The following SGCG variants were observed in gnomAD, a reference collection of about 807,000 sequenced individuals.
The protein encoded by SGCG is gamma-sarcoglycan.
SGCG carries 26 observed loss-of-function variants against 29.3 expected under a neutral mutation model. The observed-to-expected ratio is 0.89, with a 90% CI of 0.65 to 1.23. The LOEUF (loss-of-function observed/expected upper bound fraction) is 1.23. Among genes scored for constraint, SGCG ranks in the 50% most tolerant of loss-of-function variants. SGCG has a pLI of 0.00. For missense variants in SGCG, 353 were observed against 356.0 expected, an observed-to-expected ratio of 0.99 and a Z score of 0.07; for synonymous variants, 145 against 129.7, an observed-to-expected ratio of 1.12 and a Z score of -0.80.
chr13:23,247,527 G>T (rs1593195320), intron 3 of SGCG, among the ~76,000 whole-genome samples: 2 of 152,260 alleles, frequency 1.3e-5, no homozygotes, highest in Non-Finnish European at 2.9e-5. Context: ...GTCCTCTGCA[G>T]CCTGCTTTTG....
intron 2 of SGCG, among the ~76,000 whole-genome samples, chr13:23,220,142 A>G (rs1878601991): frequency 1.3e-5 from 2 of 151,916 alleles, no homozygotes; most frequent in African/African-American, 4.8e-5. Context: ...CGCCAGGCCA[A>G]TATTTACCAA....
chr13:23,237,487 G>A (rs1879354746), intron 3 of SGCG, among the ~76,000 whole-genome samples: 1 of 152,230 alleles, frequency 6.6e-6, no homozygotes, highest in Non-Finnish European at 1.5e-5. Flanking sequence ...AGACAGTGCT[G>A]AAGACAGAAA....
intron 4 of SGCG, among the ~76,000 whole-genome samples, chr13:23,269,567 T>C (rs1880777977): frequency 1.3e-5 from 2 of 152,216 alleles, no homozygotes; most frequent in Admixed American, 6.5e-5. Context: ...TGACCACATA[T>C]ATGTTTTCTT....
chr13:23,288,338 G>A (rs1461973439), intron 5 of SGCG, among the ~76,000 whole-genome samples: 1 of 152,170 alleles, frequency 6.6e-6, no homozygotes, highest in Non-Finnish European at 1.5e-5. Context: ...TCTGGTGAAA[G>A]GGGAAGATAA....
At chr13:23,171,335 A>G in the SGCG span, among the ~76,000 whole-genome samples, 1 of 152,230 alleles carries the variant, frequency 6.6e-6, no homozygotes, top group Admixed American at 6.5e-5. Context: ...TAATAGGAGA[A>G]CATTGACCAT....
chr13:23,164,042 C>T, the SGCG span, among the ~76,000 whole-genome samples: 1 of 152,196 alleles, frequency 6.6e-6, no homozygotes, highest in Non-Finnish European at 1.5e-5. Flanking sequence ...TTTCTCTTCT[C>T]TCCTGGTAGG....
chr13:23,209,046 T>G (rs1015378261), intron 2 of SGCG, among the ~76,000 whole-genome samples: 1 of 152,132 alleles, frequency 6.6e-6, no homozygotes, highest in Non-Finnish European at 1.5e-5. Context: ...GAAGGTAAGA[T>G]GAATGATTCT....
chr13:23,320,023 A>AT (rs1436011444), intron 6 of SGCG, among the ~76,000 whole-genome samples: 1 of 152,184 alleles, frequency 6.6e-6, no homozygotes, highest in African/African-American at 2.4e-5. Context: ...AAATCTTTCC[A>AT]TTTGCCCTGT....
rs2137498681 is a variant in SGCG at position 23,202,103 on chromosome 13, C to T, written c.1-1592C>T. Among the ~76,000 whole-genome samples, 4 of 152,298 alleles carry T rather than the reference C, an allele frequency of 2.6e-5. No homozygotes were observed. In the South Asian group the frequency reaches 8.3e-4, roughly 32 times the overall value. Reference sequence around the variant, plus strand: ...ATTAGCCTGGTCTGTTGAAGAGTATCTACTCTTTGCTTCAGTCTTGTGAGC... The same window carrying T: ...ATTAGCCTGGTCTGTTGAAGAGTATTTACTCTTTGCTTCAGTCTTGTGAGC... On this transcript the variant is annotated intron_variant, in intron 1 of 7. Transcript: ENST00000218867.
At chr13:23,292,086 G>A (rs186394494) in intron 5 of SGCG, among the ~76,000 whole-genome samples, 47 of 151,214 alleles carry the variant, frequency 3.1e-4, no homozygotes, top group Admixed American at 3.1e-3. Flanking sequence ...GTGCCAATGA[G>A]CCTTCTTTCA....
intron 7 of SGCG, among the ~76,000 whole-genome samples, 198 bp downstream of exon 7, chr13:23,320,958 G>T (rs1280011164): frequency 3.9e-5 from 6 of 151,960 alleles, no homozygotes; most frequent in Admixed American, 3.9e-4. Context: ...AAATTATTCT[G>T]TATTAGATCC....
At chr13:23,197,358 A>G (rs1877555965) in intron 1 of SGCG, among the ~76,000 whole-genome samples, 3 of 152,216 alleles carry the variant, frequency 2.0e-5, no homozygotes, top group African/African-American at 7.2e-5. Context: ...CTAGTAAGAA[A>G]TTATCTATCT....
At position 23,324,487 on chromosome 13, in the gene SGCG, G is replaced by A. The variant is rs756522501; in HGVS notation, c.822G>A (p.Leu274=). The change falls in exon 8 of 8, where the codon CTG becomes CTA. Residue 274 remains leucine, a synonymous_variant. Coordinates refer to ENST00000218867, the MANE Select transcript of SGCG (RefSeq NM_000231.3). ...TGTGTCCAGATGGGAAGCTGTACCT[G>A]TCTGTGGCCGGTGTGAGCACCACGT... The part of the protein sequence containing the change: ...ICVCPDGKLY[L]SVAGVSTTCQ... 1 of 1,613,638 alleles carries A rather than the reference G, an allele frequency of 6.2e-7. No homozygotes were observed. The highest frequency in any genetic ancestry group is 2.2e-5 in the East Asian group (1 of 44,858).
Position 23,200,011 on chromosome 13 carries a change from A to G in SGCG, c.1-3684A>G, listed in dbSNP as rs147216864. On this transcript the variant is annotated intron_variant, in intron 1 of 7. Transcript: ENST00000218867. ...TCTTCTTCTGAGTCCTAAACAACTA[A>G]TCACACTAAACGTACTCTGTTTATG... 5.3e-5 allele frequency among the ~76,000 whole-genome samples: 8 copies of G among 152,316 alleles called. No individual in the cohort carries two copies. The East Asian group carries it at 1.5e-3, about 29-fold the overall frequency.
At chr13:23,253,541 T>C (rs899716589) in intron 4 of SGCG, among the ~76,000 whole-genome samples, 8 of 152,236 alleles carry the variant, frequency 5.3e-5, no homozygotes, top group Admixed American at 2.0e-4. Flanking sequence ...TAAAATGTAA[T>C]TTATGTGAAC....
Position 23,203,718 on chromosome 13 carries a change from A to C in SGCG, c.24A>C (p.Thr8=), listed in dbSNP as rs1243768352. MVREQYT[T]ATEGICIERP... ...AGATGGTGCGTGAGCAGTACACTACAGCCACAGAAGGCATCTGCATAGAGA... is the reference window on the plus strand; with the variant it reads ...AGATGGTGCGTGAGCAGTACACTACCGCCACAGAAGGCATCTGCATAGAGA... The change falls in exon 2 of 8, where the codon ACA becomes ACC. Residue 8 remains threonine (T), a synonymous_variant. Transcript: ENST00000218867. 1 of 1,613,718 alleles carries C rather than the reference A, an allele frequency of 6.2e-7. No individual in the cohort carries two copies. Among genetic ancestry groups the C allele is most frequent in the Admixed American group, 1.7e-5 (1 of 59,976 alleles).
chr13:23,224,256 CAT>C (rs1163470901), intron 2 of SGCG, among the ~76,000 whole-genome samples: 1 of 152,206 alleles, frequency 6.6e-6, no homozygotes, highest in East Asian at 1.9e-4. Flanking sequence ...TTTACTCCAA[CAT>C]ATGTGTTAGT....
At chr13:23,277,467 C>T (rs1353195281) in intron 4 of SGCG, among the ~76,000 whole-genome samples, 1 of 151,688 alleles carries the variant, frequency 6.6e-6, no homozygotes, top group East Asian at 1.9e-4. Context: ...ATAACTGGCA[C>T]TCTTGCCAAA....
chr13:23,162,400 G>A, the SGCG span, among the ~76,000 whole-genome samples: 2 of 152,138 alleles, frequency 1.3e-5, no homozygotes, highest in Non-Finnish European at 2.9e-5. Flanking sequence ...GGATCACGAG[G>A]TCAGGAGATG....
Sources: gnomAD v4.1 joint callset for allele counts (sites outside exome capture counted in the v4.1 genomes callset) on GRCh38, gnomAD v4.1.1 for gene constraint, MANE v1.5 for transcripts, NCBI Gene and HGNC (gene_info 2026-07-23, HGNC 2026-07-21) for gene names.